SLC13A5: variants seen among roughly 807,000 people sequenced by gnomAD.
The protein encoded by SLC13A5 is Na(+)/citrate cotransporter.
SLC13A5 carries 25 observed loss-of-function variants against 56.5 expected under a neutral mutation model. That is an observed-to-expected ratio of 0.44 (90% confidence interval 0.32 to 0.62). SLC13A5 has a LOEUF of 0.62. Among genes scored for constraint, SLC13A5 ranks in the 20% least tolerant of loss-of-function variants. The pLI is 0.04. For synonymous variants in SLC13A5, 307 were observed against 301.5 expected (o/e 1.02, Z -0.19); for missense variants, 649 against 737.8 (o/e 0.88, Z 1.39).
At chr17:6,709,014 A>G (rs1471285439) in intron 1 of SLC13A5, among the ~76,000 whole-genome samples, 3 of 95,140 alleles carry the variant, frequency 3.2e-5, no homozygotes, top group Non-Finnish European at 7.6e-5. Context: ...TTTTTGAGAC[A>G]GGGTCTGGCT....
At chr17:6,689,461 A>C (rs1270267509) in intron 10 of SLC13A5, 5 of 152,248 alleles carry the variant, frequency 3.3e-5, no homozygotes, top group Admixed American at 3.3e-4. Context: ...GTTCTAGAAA[A>C]GCCCGTTTTC....
intron 6 of SLC13A5, among the ~76,000 whole-genome samples, chr17:6,700,052 A>G (rs1465770842): frequency 1.3e-5 from 2 of 152,160 alleles, no homozygotes; most frequent in Admixed American, 1.3e-4. Context: ...TCTGGTCACA[A>G]ATTCCCCTGG....
rs952162542 is a variant in SLC13A5 at position 6,691,681 on chromosome 17, G to A, written c.1276-741C>T. On this transcript the variant is annotated intron_variant, in intron 9 of 11. Transcript: ENST00000433363. ...CAAAGGAGGAGAGAATGTCCACAGA[G>A]TCCAAAGTTCTGAGCCTGAGTGAGA... Among the ~76,000 whole-genome samples the A allele has an allele frequency of 5.7e-4, 87 of 152,310 alleles. 1 individual carries two copies. Among genetic ancestry groups the A allele is most frequent in the African/African-American group, 2.0e-3 (84 of 41,560 alleles).
intron 8 of SLC13A5, among the ~76,000 whole-genome samples, chr17:6,693,869 T>C (rs896938744): frequency 2.6e-4 from 39 of 152,380 alleles, no homozygotes; most frequent in East Asian, 3.9e-4. Context: ...CCTGTTGTAA[T>C]ATAAATAAAA....
intron 1 of SLC13A5, among the ~76,000 whole-genome samples, chr17:6,709,751 A>G (rs1261285910): frequency 6.6e-6 from 1 of 152,184 alleles, no homozygotes; most frequent in Non-Finnish European, 1.5e-5. Context: ...TTGTGTTATC[A>G]GCCACAAAAA....
intron 10 of SLC13A5, chr17:6,689,267 C>T (rs922918542): frequency 1.3e-5 from 2 of 152,298 alleles, no homozygotes; most frequent in African/African-American, 4.8e-5. Flanking sequence ...CCCAGCTCTT[C>T]GCTGGCGCGT....
rs757144738 is a variant in SLC13A5 at position 6,690,852 on chromosome 17, A to C, written c.1364T>G (p.Leu455Arg). 6.2e-7 allele frequency: 1 copy of C among 1,614,218 alleles called. No homozygotes were observed. The highest frequency in any genetic ancestry group is 1.1e-5 in the South Asian group (1 of 91,084). ...TGTGCACTCAGTGAACACGGCAACGAGCAAGGACAAGATCAAGGTGATGGC... is the reference window on the plus strand; with the variant it reads ...TGTGCACTCAGTGAACACGGCAACGCGCAAGGACAAGATCAAGGTGATGGC... ...PAAITLILSL[L>R]VAVFTECTSN... The change falls in exon 10 of 12, where the codon CTC becomes CGC. Residue 455 changes from leucine to arginine, a missense_variant. Leu to Arg is a moderately radical substitution (Grantham distance 102). Coordinates refer to ENST00000433363, the MANE Select transcript of SLC13A5 (RefSeq NM_177550.5).
intron 3 of SLC13A5, chr17:6,705,489 GC>G (rs1973842981): frequency 6.6e-6 from 1 of 152,182 alleles, no homozygotes; most frequent in South Asian, 2.1e-4. Flanking sequence ...AATTCTGAGG[GC>G]CCTGAGGTCC....
At chr17:6,700,882 G>T in intron 6 of SLC13A5, 122 bp downstream of exon 6, 2 of 1,415,486 alleles carry the variant, frequency 1.4e-6, no homozygotes, top group Non-Finnish European at 1.9e-6. Flanking sequence ...AGGAGACAGG[G>T]CTGGAGAAAG....
At chr17:6,694,445 C>T (rs971705089) in intron 7 of SLC13A5, among the ~76,000 whole-genome samples, 11 of 152,124 alleles carry the variant, frequency 7.2e-5, no homozygotes, top group East Asian at 1.9e-4. Context: ...AGTGAAACCC[C>T]GTCTCTACTA....
chr17:6,709,651 G>A (rs1191631300), intron 1 of SLC13A5, among the ~76,000 whole-genome samples: 1 of 152,156 alleles, frequency 6.6e-6, no homozygotes, highest in Admixed American at 6.5e-5. Flanking sequence ...AGATGCACCT[G>A]TACACAATCC....
chr17:6,695,783 C>T lies in SLC13A5; in HGVS notation c.998G>A (p.Arg333Gln), dbSNP rs1379095103. The change falls in exon 7 of 12, where the codon CGA becomes CAA. Residue 333 changes from arginine to glutamine, a missense_variant. Physicochemically the swap from Arg to Gln is conservative, Grantham distance 43 (BLOSUM62 1). Transcript: ENST00000433363. ...CCAGCCGGGCATGAAGCCGGGGTCT[C>T]GGGAGAACCACAGGATGACCAGCAG... is the stretch of plus-strand genomic sequence containing the variant. ...FFLLVILWFS[R>Q]DPGFMPGWLT... The T allele has an allele frequency of 5.6e-6, 9 of 1,614,050 alleles. No homozygotes were observed. The highest frequency in any genetic ancestry group is 2.2e-5 in the South Asian group (2 of 91,080).
At chr17:6,699,126 G>C (rs953952403) in intron 6 of SLC13A5, among the ~76,000 whole-genome samples, 1 of 151,344 alleles carries the variant, frequency 6.6e-6, no homozygotes, top group African/African-American at 2.4e-5. Context: ...GGAAAAGAGC[G>C]CTCGAAATCA....
chr17:6,686,336 CA>C lies in SLC13A5; in HGVS notation c.1577del (p.Val526GlyfsTer6). On this transcript the variant is annotated frameshift_variant and splice_region_variant, in exon 12 of 12. Coordinates refer to ENST00000433363, the MANE Select transcript of SLC13A5 (RefSeq NM_177550.5). LOFTEE classifies it high-confidence loss of function. Reference protein sequence around the residue: ...TYGHLKVADMVKTGVIMNIIG... With the variant: ...TYGHLKVADMXKTGVIMNIIG... ...TTATGTTCATTATGACTCCTGTTTT[CA>C]CCTGGAAAAGAGACAGAGTCAGCAC... 6.2e-7 allele frequency: 1 copy of C among 1,614,052 alleles called. No individual in the cohort carries two copies. The highest frequency in any genetic ancestry group is 8.5e-7 in the Non-Finnish European group (1 of 1,179,964).
intron 6 of SLC13A5, 109 bp downstream of exon 6, chr17:6,700,895 C>A (rs529137395): frequency 1.3e-6 from 2 of 1,497,272 alleles, no homozygotes; most frequent in Admixed American, 1.8e-5. Flanking sequence ...GGAGAAAGAT[C>A]AGGGCCAGAC....
chr17:6,706,966 G>A (rs1973886719), intron 2 of SLC13A5, 62 bp downstream of exon 2: 5 of 1,605,284 alleles, frequency 3.1e-6, no homozygotes, highest in Non-Finnish European at 4.3e-6. Context: ...CTCACAGTGG[G>A]GACTAGAGAA....
rs1230581656 is a variant in SLC13A5, at chr17:6,692,846, G to T, written c.1275+198C>A. 3 of 588,056 alleles carry T rather than the reference G, an allele frequency of 5.1e-6. No homozygotes were observed. Among genetic ancestry groups the T allele is most frequent in the Non-Finnish European group, 9.1e-6 (3 of 329,608 alleles). 36.4% of individuals were successfully genotyped at this position (588,056 alleles called of 1,614,324 possible). A position where few individuals can be genotyped will look rare whatever the true frequency, so the allele number is the denominator to read the frequency against. On this transcript the variant is annotated intron_variant, in intron 9 of 11. Transcript: ENST00000433363. This position sits in a 1 kb window ranked among gnomAD's most constrained non-coding sequence, Gnocchi z 5.5. Reference sequence around the variant, plus strand: ...CACTCATTCCTGCAATCGCTCAAAGGTTACTTTCTGTCTTCCAGGCCCTGT... The same window carrying T: ...CACTCATTCCTGCAATCGCTCAAAGTTTACTTTCTGTCTTCCAGGCCCTGT...
chr17:6,707,778 C>T (rs979712248), intron 1 of SLC13A5, among the ~76,000 whole-genome samples: 5 of 151,010 alleles, frequency 3.3e-5, no homozygotes, highest in Admixed American at 6.6e-5. Context: ...ATAGCGTGGT[C>T]GAATGGATAC....
At position 6,701,231 on chromosome 17, in the gene SLC13A5, T is replaced by C. The variant is rs1973705277; in HGVS notation, c.717-105A>G. 2 of 1,490,140 alleles carry C rather than the reference T, an allele frequency of 1.3e-6. No homozygotes were observed. The highest frequency in any genetic ancestry group is 4.9e-5 in the East Asian group (2 of 41,180). 92.3% of individuals were successfully genotyped at this position (1,490,140 alleles called of 1,614,324 possible). Reference sequence around the variant, plus strand: ...AGCTGGGCCCTGAGAGGCGCGCCTGTGTGGAGGCCACATCCTCCTGAGGTC... The same window carrying C: ...AGCTGGGCCCTGAGAGGCGCGCCTGCGTGGAGGCCACATCCTCCTGAGGTC... On this transcript the variant is annotated intron_variant, in intron 5 of 11. Coordinates refer to ENST00000433363, the MANE Select transcript of SLC13A5 (RefSeq NM_177550.5). The surrounding 1 kb of genome is among the most constrained non-coding windows in gnomAD (Gnocchi z 4.1).
Sources: allele counts gnomAD v4.1 joint callset (sites outside exome capture counted in the v4.1 genomes callset), GRCh38; gene constraint gnomAD v4.1.1; non-coding constraint Gnocchi (gnomAD v3.1); transcripts MANE v1.5; gene names NCBI Gene and HGNC (gene_info 2026-07-23, HGNC 2026-07-21).